SLC2A3: variants seen among roughly 807,000 people sequenced by gnomAD.
SLC2A3 encodes solute carrier family 2 member 3, also known as solute carrier family 2, facilitated glucose transporter member 3.
Under a neutral mutation model 46.4 loss-of-function variants are expected in SLC2A3, and 21 were observed. The observed-to-expected ratio is 0.45, with a 90% confidence interval of 0.32 to 0.65. The LOEUF (loss-of-function observed/expected upper bound fraction) is 0.65. Among genes scored for constraint, SLC2A3 ranks in the 30% least tolerant of loss-of-function variants. The pLI is 0.04. For synonymous variants in SLC2A3, 213 were observed against 239.4 expected, an observed-to-expected ratio of 0.89 and a Z score of 1.02; for missense variants, 499 against 623.3, an observed-to-expected ratio of 0.80 and a Z score of 2.12.
rs777198447 is a variant in SLC2A3, at chr12:7,931,357, A to G, written c.398T>C (p.Leu133Pro). The part of the protein sequence containing the change: ...GRLVIGLFCG[L>P]CTGFVPMYIG... Reference sequence around the variant, plus strand: ...GTACATGGGCACAAAACCTGTGCAGAGTCCGCAGAAGAGGCCAATAACCAA... The same window carrying G: ...GTACATGGGCACAAAACCTGTGCAGGGTCCGCAGAAGAGGCCAATAACCAA... Residue 133 changes from leucine (L) to proline (P), a missense_variant, in exon 4 of 10, where the codon CTC becomes CCC. Leu to Pro is a moderately conservative substitution (Grantham distance 98). Around this residue, in one of 5 missense-constraint regions of SLC2A3, gnomAD observed 248 missense variants for 284.0 expected, o/e 0.87. Coordinates refer to ENST00000075120, the MANE Select transcript of SLC2A3 (RefSeq NM_006931.3). The G allele has an allele frequency of 6.2e-7, 1 of 1,614,174 alleles. No homozygotes were observed. Among genetic ancestry groups the G allele is most frequent in the South Asian group, 1.1e-5 (1 of 91,082 alleles).
At chr12:7,933,259 GA>G in intron 2 of SLC2A3, 112 bp from the exon 3 acceptor site, 1 of 1,139,880 alleles carries the variant, frequency 8.8e-7, no homozygotes, top group Non-Finnish European at 1.3e-6. Flanking sequence ...AAATAGACAG[GA>G]ATGGAAGGGG....
At chr12:7,923,880 T>C (rs1946066939) in intron 8 of SLC2A3, among the ~76,000 whole-genome samples, 1 of 151,396 alleles carries the variant, frequency 6.6e-6, no homozygotes, top group East Asian at 2.0e-4. Context: ...GCAATTCTCC[T>C]GCCTCAGCCT....
chr12:7,932,101 C>T (rs908900106), intron 3 of SLC2A3, among the ~76,000 whole-genome samples: 2 of 151,570 alleles, frequency 1.3e-5, no homozygotes, highest in South Asian at 2.1e-4. Context: ...AGGATGGTCT[C>T]GATCTCCTGA....
chr12:7,932,869 G>A lies in SLC2A3; in HGVS notation c.269+118C>T. On this transcript the variant is annotated intron_variant, in intron 3 of 9. Transcript: ENST00000075120. The stretch of plus-strand genomic sequence containing the variant: ...GGGCCAGTTGGACTAGGTTTCCCTT[G>A]ATTAGAATTCAAGGTGTTCTTATTC... 2.8e-6 allele frequency: 4 copies of A among 1,447,352 alleles called. No individual in the cohort carries two copies. In the East Asian group the frequency reaches 9.2e-5, roughly 33 times the overall value. The allele number at this position is 1,447,352 out of a possible 1,614,324, so 89.7% of individuals were successfully genotyped here.
Position 7,919,883 on chromosome 12 carries a change from CAG to C in SLC2A3, c.*1528_*1529del, listed in dbSNP as rs1946018268. 2 of 152,170 alleles carry C rather than the reference CAG, an allele frequency of 1.3e-5. No individual in the cohort carries two copies. The highest frequency in any genetic ancestry group is 2.1e-4 in the South Asian group (1 of 4,826). The allele number at this position is 152,170 out of a possible 1,614,324, so 9.4% of individuals were successfully genotyped here. On this transcript the variant is annotated 3_prime_UTR_variant, in exon 10 of 10. Coordinates refer to ENST00000075120, the MANE Select transcript of SLC2A3 (RefSeq NM_006931.3). ...GAAAAAGGGGCTGTAGGAACAAACACAGAGAAAATAAGTCAACAATAACGTAC... is the reference window on the plus strand; with the variant it reads ...GAAAAAGGGGCTGTAGGAACAAACACAGAAAATAAGTCAACAATAACGTAC...
rs1555156889 is a variant in SLC2A3, at chr12:7,933,160, A to C, written c.109-13T>G. 8.1e-6 allele frequency: 13 copies of C among 1,613,354 alleles called. No homozygotes were observed. In the South Asian group the frequency reaches 1.4e-4, roughly 18 times the overall value. On this transcript the variant is annotated splice_polypyrimidine_tract_variant and intron_variant, in intron 2 of 9. Transcript: ENST00000075120. Reference sequence around the variant, plus strand: ...ATTCCTTTATGATCTGCAAAATAAAAGGGTTGGTGGAAGAACAGACTGTTA... The same window carrying C: ...ATTCCTTTATGATCTGCAAAATAAACGGGTTGGTGGAAGAACAGACTGTTA...
intron 9 of SLC2A3, among the ~76,000 whole-genome samples, chr12:7,922,052 C>T (rs962169613): frequency 3.3e-5 from 5 of 151,626 alleles, no homozygotes; most frequent in African/African-American, 7.3e-5. Flanking sequence ...GACGGAATCT[C>T]GCTCTGTCAC....
In SLC2A3 at chr12:7,924,458, T is replaced by C; in HGVS notation, c.1020A>G (p.Gly340=). ...TGAGCGTGGAACAAAAAGCCATCCC[T>C]CCAAGGCCTATCATATGCAGAGTCC... The part of the protein sequence containing the change: ...GRRTLHMIGL[G]GMAFCSTLMT... Residue 340 remains glycine, a synonymous_variant, in exon 8 of 10, where the codon GGA becomes GGG. Transcript: ENST00000075120. The C allele has an allele frequency of 6.2e-7, 1 of 1,609,902 alleles. No individual in the cohort carries two copies. Among genetic ancestry groups the C allele is most frequent in the East Asian group, 2.3e-5 (1 of 44,438 alleles).
chr12:7,933,776 T>A, intron 2 of SLC2A3, 34 bp downstream of exon 2: 1 of 1,597,652 alleles, frequency 6.3e-7, no homozygotes, highest in African/African-American at 1.3e-5. Flanking sequence ...AACTTCCCTA[T>A]TCTAAATTCT....
intron 2 of SLC2A3, 107 bp from the exon 3 acceptor site, chr12:7,933,254 G>T: frequency 8.3e-7 from 1 of 1,210,750 alleles, no homozygotes; most frequent in Non-Finnish European, 1.2e-6. Context: ...GGAATAAATA[G>T]ACAGGAATGG....
intron 2 of SLC2A3, chr12:7,933,512 G>A (rs771339852): frequency 2.7e-4 from 128 of 465,508 alleles, no homozygotes; most frequent in African/African-American, 2.2e-3. Context: ...TTTGTGCTTC[G>A]ATTAGATGAC....
chr12:7,923,127 A>G, intron 8 of SLC2A3, 103 bp from the exon 9 acceptor site: 2 of 1,103,400 alleles, frequency 1.8e-6, no homozygotes, highest in Non-Finnish European at 2.6e-6. Context: ...TCCCTGACGT[A>G]CAATACAAAG....
At chr12:7,926,059 TTTCGTTCAATACTAATATCCC>T in intron 6 of SLC2A3, 111 bp from the exon 7 acceptor site, 1 of 836,732 alleles carries the variant, frequency 1.2e-6, no homozygotes, top group Middle Eastern at 2.3e-4. Flanking sequence ...TTTTCTAGGT[TTTCGTTCAATACTAATATCCC>T]TTCTGCAAAT....
In SLC2A3 at chr12:7,921,437, A is replaced by G. The variant is rs1946035691; in HGVS notation, c.1467T>C (p.Ala489=). 1 of 1,613,908 alleles carries G rather than the reference A, an allele frequency of 6.2e-7. No homozygotes were observed. The highest frequency in any genetic ancestry group is 1.7e-5 in the Admixed American group (1 of 59,996). Residue 489 remains alanine (A), a synonymous_variant, in exon 10 of 10, where the codon GCT becomes GCC. Coordinates refer to ENST00000075120, the MANE Select transcript of SLC2A3 (RefSeq NM_006931.3). ...GVMEMNSIEP[A]KETTTNV ...CTTAGACATTGGTGGTGGTCTCCTT[A>G]GCAGGCTCGATGCTGTTCATCTCCA...
chr12:7,921,308 G>A lies in SLC2A3; in HGVS notation c.*105C>T. On this transcript the variant is annotated 3_prime_UTR_variant, in exon 10 of 10. Transcript: ENST00000075120. ...GTGCGTGGGATGAGAAAGGAATTAA[G>A]TAGCAGCATTCAGAAGCGTCCTGGG... 1 of 1,579,094 alleles carries A rather than the reference G, an allele frequency of 6.3e-7. No homozygotes were observed. The highest frequency in any genetic ancestry group is 8.6e-7 in the Non-Finnish European group (1 of 1,161,346).
At chr12:7,922,755 A>G (rs1946051227) in intron 9 of SLC2A3, 66 bp downstream of exon 9, 2 of 1,601,078 alleles carry the variant, frequency 1.2e-6, no homozygotes, top group African/African-American at 1.3e-5. Flanking sequence ...AGACTACTGT[A>G]TTATTAAGGA....
At chr12:7,926,063 G>A (rs962205115) in intron 6 of SLC2A3, 115 bp from the exon 7 acceptor site, 95 of 805,878 alleles carry the variant, frequency 1.2e-4, no homozygotes, top group African/African-American at 1.1e-3. Flanking sequence ...CTAGGTTTTC[G>A]TTCAATACTA....
Position 7,922,844 on chromosome 12 carries a change from C to T in SLC2A3, c.1249G>A (p.Gly417Arg), listed in dbSNP as rs368337080. ...CSNWTSNFLVGLLFPSAAHYL... is the reference protein window; with the variant it reads ...CSNWTSNFLVRLLFPSAAHYL... ...ACAGCAGCGGAGGGGAAGAGCAATC[C>T]GACTAGGAAGTTGGAGGTCCAGTTG... Residue 417 changes from glycine to arginine, a missense_variant, in exon 9 of 10, where the codon GGA becomes AGA. Gly to Arg is a moderately radical substitution (Grantham distance 125). Transcript: ENST00000075120. 16 of 1,613,844 alleles carry T rather than the reference C, an allele frequency of 9.9e-6. No homozygotes were observed. The highest frequency in any genetic ancestry group is 1.3e-5 in the Non-Finnish European group (15 of 1,179,930).
At position 7,933,711 on chromosome 12, in the gene SLC2A3, A is replaced by G. The variant is rs1946182884; in HGVS notation, c.108+99T>C. The G allele has an allele frequency of 1.2e-5, 16 of 1,283,264 alleles. No individual in the cohort carries two copies. The Admixed American group carries it at 2.0e-4, about 16-fold the overall frequency. The allele number at this position is 1,283,264 out of a possible 1,614,324, so 79.5% of individuals were successfully genotyped here. Reference sequence around the variant, plus strand: ...CAGGAGTAGCTGGGACTCCAGGCAGATGCCACCATGCCTGGCCTTAAATTC... The same window carrying G: ...CAGGAGTAGCTGGGACTCCAGGCAGGTGCCACCATGCCTGGCCTTAAATTC... On this transcript the variant is annotated intron_variant, in intron 2 of 9. Coordinates refer to ENST00000075120, the MANE Select transcript of SLC2A3 (RefSeq NM_006931.3).
Sources: gnomAD v4.1 joint callset for allele counts (sites outside exome capture counted in the v4.1 genomes callset) on GRCh38, gnomAD v4.1.1 for gene constraint, gnomAD v4.1.1 regional missense constraint, MANE v1.5 for transcripts, NCBI Gene and HGNC (gene_info 2026-07-23, HGNC 2026-07-21) for gene names.